The following GPRIN3 variants were observed in gnomAD, a reference collection of about 807,000 sequenced individuals.
GPRIN3 encodes GPRIN family member 3.
A neutral mutation model predicts 13.7 loss-of-function variants in GPRIN3; 12 were observed. The ratio of observed to expected loss-of-function variants is 0.87; its 90% confidence interval spans 0.56 to 1.42. The LOEUF is 1.42. Among genes scored for constraint, GPRIN3 ranks in the 40% most tolerant of loss-of-function variants. The pLI is 0.00. For synonymous variants in GPRIN3, 377 were observed against 372.7 expected (o/e 1.01, Z -0.13); for missense variants, 1,009 against 958.7 (o/e 1.05, Z -0.69).
At chr4:89,254,233 T>C (rs572280767) in intron 1 of GPRIN3, among the ~76,000 whole-genome samples, 17 of 152,084 alleles carry the variant, frequency 1.1e-4, no homozygotes, top group African/African-American at 4.1e-4. Flanking sequence ...TCTCTTTTTT[T>C]AAACCTTTTT....
intron 1 of GPRIN3, among the ~76,000 whole-genome samples, chr4:89,267,787 C>T (rs1234964782): frequency 2.6e-5 from 4 of 152,098 alleles, no homozygotes; most frequent in East Asian, 1.9e-4. Context: ...TTCAACTGTA[C>T]AGGAGGGAGG....
At position 89,250,125 on chromosome 4, in the gene GPRIN3, G is replaced by A; in HGVS notation, c.-15C>T. The A allele has an allele frequency of 6.2e-7, 1 of 1,604,658 alleles. No homozygotes were observed. Among genetic ancestry groups the A allele is most frequent in the Non-Finnish European group, 8.5e-7 (1 of 1,175,102 alleles). ...ACAGTCCCCATGGAATTTCTCTTCA[G>A]GAGCACTCCAGAGCTCTCTTGAGTA... On this transcript the variant is annotated 5_prime_UTR_variant, in exon 2 of 2. Transcript: ENST00000609438.
intron 1 of GPRIN3, among the ~76,000 whole-genome samples, chr4:89,295,383 T>C (rs550641827): frequency 6.6e-6 from 1 of 152,296 alleles, no homozygotes; most frequent in East Asian, 1.9e-4. Flanking sequence ...TTAACTTCAA[T>C]GTGAAACACA....
At chr4:89,302,093 T>C (rs540062665) in intron 1 of GPRIN3, among the ~76,000 whole-genome samples, 1 of 152,306 alleles carries the variant, frequency 6.6e-6, no homozygotes, top group East Asian at 1.9e-4. Flanking sequence ...ATCCCCACGA[T>C]ATTTCTGCTA....
chr4:89,250,565 A>T (rs1723300229), intron 1 of GPRIN3: 1 of 153,692 alleles, frequency 6.5e-6, no homozygotes, highest in Non-Finnish European at 1.4e-5. Context: ...GACTTAGCAG[A>T]TGTCAGAAAA....
chr4:89,275,091 G>A (rs1724056428), intron 1 of GPRIN3, among the ~76,000 whole-genome samples: 1 of 151,868 alleles, frequency 6.6e-6, no homozygotes. Flanking sequence ...GGCAAGCACT[G>A]TGTTCTGGTA....
intron 1 of GPRIN3, among the ~76,000 whole-genome samples, chr4:89,287,327 A>T (rs951198368): frequency 1.2e-4 from 18 of 152,238 alleles, no homozygotes; most frequent in Admixed American, 3.9e-4. Flanking sequence ...CAGAGATTTT[A>T]AAAAATGCAT....
intron 1 of GPRIN3, among the ~76,000 whole-genome samples, chr4:89,284,864 C>T (rs1364234041): frequency 6.6e-6 from 1 of 152,224 alleles, no homozygotes; most frequent in Non-Finnish European, 1.5e-5. Context: ...ATGAGACCAT[C>T]AGGCTAGGGG....
Position 89,249,578 on chromosome 4 carries a change from A to C in GPRIN3, c.533T>G (p.Leu178Arg). The change falls in exon 2 of 2, where the codon CTC becomes CGC. Residue 178 changes from leucine (L) to arginine (R), a missense_variant. Physicochemically the swap from Leu to Arg is moderately radical, Grantham distance 102. Coordinates refer to ENST00000609438, the MANE Select transcript of GPRIN3 (RefSeq NM_198281.3). ...GGACACCTGATCTTTGCTGCTACTG[A>C]GGACGCCTCCCACAGGACAACTTGG... ...EKPSCPVGGV[L>R]SSSKDQVSCE... The C allele has an allele frequency of 1.2e-6, 2 of 1,614,138 alleles. No individual in the cohort carries two copies. Among genetic ancestry groups the C allele is most frequent in the Non-Finnish European group, 1.7e-6 (2 of 1,180,010 alleles).
rs1450037382 is a variant in GPRIN3, at chr4:89,242,099, A to G, written c.*5681T>C. ...GGGGTATCTCATCATAATTATCACC[A>G]TGCAGGTTGATCATCAATATCCTTT... is the stretch of plus-strand genomic sequence containing the variant. On this transcript the variant is annotated 3_prime_UTR_variant, in exon 2 of 2. Coordinates refer to ENST00000609438, the MANE Select transcript of GPRIN3 (RefSeq NM_198281.3). The G allele has an allele frequency of 6.6e-6, 1 of 152,210 alleles. No individual in the cohort carries two copies. Among genetic ancestry groups the G allele is most frequent in the East Asian group, 1.9e-4 (1 of 5,192 alleles). 9.4% of individuals were successfully genotyped at this position (152,210 alleles called of 1,614,324 possible).
chr4:89,251,703 T>A (rs548463745), intron 1 of GPRIN3, among the ~76,000 whole-genome samples: 8 of 152,322 alleles, frequency 5.3e-5, no homozygotes, highest in African/African-American at 1.9e-4. Context: ...GAAAACAGCA[T>A]ATACATTTTC....
At chr4:89,290,283 T>C (rs1392034469) in intron 1 of GPRIN3, among the ~76,000 whole-genome samples, 5 of 152,010 alleles carry the variant, frequency 3.3e-5, no homozygotes, top group South Asian at 4.2e-4. Context: ...CTCTTAGTGT[T>C]TCAAATATGC....
At position 89,250,079 on chromosome 4, in the gene GPRIN3, G is replaced by A. The variant is rs1723284492; in HGVS notation, c.32C>T (p.Ala11Val). The A allele has an allele frequency of 6.2e-7, 1 of 1,613,836 alleles. No individual in the cohort carries two copies. Among genetic ancestry groups the A allele is most frequent in the Non-Finnish European group, 8.5e-7 (1 of 1,179,804 alleles). The change falls in exon 2 of 2, where the codon GCT (alanine) becomes GTT (valine). Residue 11 changes from alanine to valine, a missense_variant. Ala to Val is a moderately conservative substitution (Grantham distance 64). Transcript: ENST00000609438. MGTVPDPLRS[A>V]KTSLIAASGK... ...GGAAGCTGCAATCAGGGAAGTTTTAGCTGATCTCAGAGGGTCAGGTACAGT... is the reference window on the plus strand; with the variant it reads ...GGAAGCTGCAATCAGGGAAGTTTTAACTGATCTCAGAGGGTCAGGTACAGT...
At position 89,249,853 on chromosome 4, in the gene GPRIN3, T is replaced by A; in HGVS notation, c.258A>T (p.Glu86Asp). The A allele has an allele frequency of 6.2e-7, 1 of 1,614,212 alleles. No individual in the cohort carries two copies. The highest frequency in any genetic ancestry group is 8.5e-7 in the Non-Finnish European group (1 of 1,180,022). Residue 86 changes from glutamate to aspartate, a missense_variant, in exon 2 of 2, where the codon GAA becomes GAT. Glu to Asp is a conservative substitution (Grantham distance 45). Transcript: ENST00000609438. ...TGAATGTGGCAGGTGCTTTCTGCAC[T>A]TCATTGAACACACCAGGAGAAGACA... Reference protein sequence around the residue: ...PDMSSPGVFNEVQKAPATFNS... With the variant: ...PDMSSPGVFNDVQKAPATFNS...
At chr4:89,305,313 C>T (rs116489976) in intron 1 of GPRIN3, among the ~76,000 whole-genome samples, 1,531 of 152,254 alleles carry the variant, frequency 0.01, 26 homozygotes, top group African/African-American at 0.035. Flanking sequence ...TTATTCTCTC[C>T]ACCTCTACCC....
At position 89,249,715 on chromosome 4, in the gene GPRIN3, C is replaced by T; in HGVS notation, c.396G>A (p.Gln132=). The change falls in exon 2 of 2, where the codon CAG becomes CAA. Residue 132 remains glutamine (Q), a synonymous_variant. Transcript: ENST00000609438. ...IHTPLTMPAN[Q]HTCQSIPGDQ... is the part of the protein sequence containing the mutation. ...CACCTGGGATGGACTGGCAGGTGTG[C>T]TGATTGGCGGGCATTGTCAATGGTG... The T allele has an allele frequency of 1.2e-6, 2 of 1,614,160 alleles. No individual in the cohort carries two copies. The highest frequency in any genetic ancestry group is 1.7e-6 in the Non-Finnish European group (2 of 1,180,002).
chr4:89,263,365 G>A (rs1023878152), intron 1 of GPRIN3, among the ~76,000 whole-genome samples: 2 of 152,154 alleles, frequency 1.3e-5, no homozygotes, highest in African/African-American at 2.4e-5. Context: ...CAGGTGGGAG[G>A]GGGTCCCCGG....
intron 1 of GPRIN3, among the ~76,000 whole-genome samples, chr4:89,270,580 TATATATATATATATATATATAAA>T (rs1302593159): frequency 5.8e-5 from 6 of 103,104 alleles, no homozygotes; most frequent in Non-Finnish European, 3.5e-5. Flanking sequence ...TATATATATA[TATATATATATATATATATATAAA>T]ATATAGATAT....
intron 1 of GPRIN3, among the ~76,000 whole-genome samples, chr4:89,262,330 A>AT (rs574715212): frequency 7.2e-4 from 109 of 152,316 alleles, no homozygotes; most frequent in African/African-American, 2.5e-3. Flanking sequence ...GCAAGGATAA[A>AT]TAAAAAATTG....
Sources: gnomAD v4.1 joint callset for allele counts (sites outside exome capture counted in the v4.1 genomes callset) on GRCh38, gnomAD v4.1.1 for gene constraint, MANE v1.5 for transcripts, NCBI Gene and HGNC (gene_info 2026-07-23, HGNC 2026-07-21) for gene names.